ST6GALNAC3: variants seen among roughly 807,000 people sequenced by gnomAD.
ST6GALNAC3 encodes alpha-N-acetylgalactosaminide alpha-2,6-sialyltransferase 3.
A neutral mutation model predicts 32.7 loss-of-function variants in ST6GALNAC3; 25 were observed. That is an observed-to-expected ratio of 0.76 (90% CI 0.56 to 1.07). The LOEUF (loss-of-function observed/expected upper bound fraction) is 1.07, where lower values mean the gene tolerates loss of function less well. ST6GALNAC3 is among the 50% of genes least tolerant of loss of function. The pLI is 0.00. For missense variants in ST6GALNAC3, 355 were observed against 382.4 expected (o/e 0.93, Z 0.60); for synonymous variants, 129 against 133.1 (o/e 0.97, Z 0.21).
intron 3 of ST6GALNAC3, among the ~76,000 whole-genome samples, chr1:76,530,097 C>G (rs1446357245): frequency 6.6e-6 from 1 of 152,178 alleles, no homozygotes; most frequent in Non-Finnish European, 1.5e-5. Context: ...ATAATCCTAA[C>G]CTATGATTAT....
At chr1:76,121,098 C>A (rs999578066) in intron 1 of ST6GALNAC3, among the ~76,000 whole-genome samples, 1 of 152,182 alleles carries the variant, frequency 6.6e-6, no homozygotes, top group African/African-American at 2.4e-5. Flanking sequence ...ATGAGGTTCA[C>A]CTAGATATTC....
chr1:76,627,400 G>C (rs949583870), intron 3 of ST6GALNAC3, 52 bp from the exon 4 acceptor site: 12 of 1,156,880 alleles, frequency 1.0e-5, no homozygotes, highest in Non-Finnish European at 1.6e-5. Context: ...TGTTCTGTGT[G>C]TGTGTTCTGT....
intron 1 of ST6GALNAC3, among the ~76,000 whole-genome samples, chr1:76,098,297 A>G (rs773589010): frequency 6.6e-6 from 1 of 152,226 alleles, no homozygotes; most frequent in Non-Finnish European, 1.5e-5. Context: ...AGACTGCACG[A>G]TCACAATGCT....
At chr1:76,254,274 C>T (rs1195574538) in intron 1 of ST6GALNAC3, among the ~76,000 whole-genome samples, 1 of 152,036 alleles carries the variant, frequency 6.6e-6, no homozygotes, top group African/African-American at 2.4e-5. Context: ...GAGAAGGAAA[C>T]GAGTGTTAAG....
chr1:76,486,478 A>G (rs934992389), intron 3 of ST6GALNAC3, among the ~76,000 whole-genome samples: 1 of 152,174 alleles, frequency 6.6e-6, no homozygotes, highest in Admixed American at 6.5e-5. Flanking sequence ...CCATTATGTA[A>G]TGGCCTTCTT....
At chr1:76,106,454 C>T (rs1398195596) in intron 1 of ST6GALNAC3, among the ~76,000 whole-genome samples, 1 of 152,174 alleles carries the variant, frequency 6.6e-6, no homozygotes, top group Non-Finnish European at 1.5e-5. Context: ...GCTGCTGGGA[C>T]TTTGAGCTCG....
rs116174784 is a variant in ST6GALNAC3, at chr1:76,080,957, G to A, written c.18+6073G>A. Among the ~76,000 whole-genome samples, 229 of 152,264 alleles carry A rather than the reference G, an allele frequency of 1.5e-3. 2 individuals carry two copies. Among genetic ancestry groups the A allele is most frequent in the African/African-American group, 5.3e-3 (222 of 41,536 alleles). Reference sequence around the variant, plus strand: ...TGCTACGTATATCAGCACATTGTGGGGAATGAGTGGCTTGGGTAAAAGTAG... The same window carrying A: ...TGCTACGTATATCAGCACATTGTGGAGAATGAGTGGCTTGGGTAAAAGTAG... On this transcript the variant is annotated intron_variant, in intron 1 of 4. Coordinates refer to ENST00000328299, the MANE Select transcript of ST6GALNAC3 (RefSeq NM_152996.4).
intron 3 of ST6GALNAC3, among the ~76,000 whole-genome samples, chr1:76,496,101 C>G (rs911756096): frequency 7.9e-5 from 12 of 152,092 alleles, no homozygotes; most frequent in Admixed American, 3.9e-4. Context: ...AAGGATGAGG[C>G]CTACTTGGAG....
chr1:76,494,466 T>TACAC (rs1486372356), intron 3 of ST6GALNAC3, among the ~76,000 whole-genome samples: 990 of 50,716 alleles, frequency 0.02, 178 homozygotes, highest in East Asian at 0.15. Context: ...TATATATATA[T>TACAC]ATACACACAC....
At chr1:76,143,766 C>T (rs1650495697) in intron 1 of ST6GALNAC3, among the ~76,000 whole-genome samples, 1 of 152,100 alleles carries the variant, frequency 6.6e-6, no homozygotes, top group South Asian at 2.1e-4. Flanking sequence ...CAGGATAAGG[C>T]ATTTCTCATG....
intron 1 of ST6GALNAC3, among the ~76,000 whole-genome samples, chr1:76,120,117 G>C (rs1028130159): frequency 2.0e-5 from 3 of 152,232 alleles, no homozygotes; most frequent in Admixed American, 6.5e-5. Context: ...ACCTTCCAAA[G>C]TCACTGACCA....
chr1:76,256,673 C>G (rs759570362), intron 1 of ST6GALNAC3, among the ~76,000 whole-genome samples: 1 of 151,456 alleles, frequency 6.6e-6, no homozygotes. Context: ...CACGGGATGA[C>G]AGCAGATATC....
chr1:76,490,792 C>T (rs553332942), intron 3 of ST6GALNAC3, among the ~76,000 whole-genome samples: 6 of 152,114 alleles, frequency 3.9e-5, no homozygotes, highest in African/African-American at 7.2e-5. Context: ...ACCTACTCCC[C>T]GTCTTCCCAG....
chr1:76,088,735 A>G lies in ST6GALNAC3; in HGVS notation c.18+13851A>G, dbSNP rs140002920. On this transcript the variant is annotated intron_variant, in intron 1 of 4. Transcript: ENST00000328299. Reference sequence around the variant, plus strand: ...CAAAAAACTAAAAGGATCACAAAAAAAACTAAAGGGATCACAACTGTTTTG... The same window carrying G: ...CAAAAAACTAAAAGGATCACAAAAAGAACTAAAGGGATCACAACTGTTTTG... Among the ~76,000 whole-genome samples, 78 of 152,374 alleles carry G rather than the reference A, an allele frequency of 5.1e-4. 1 individual carries two copies. The highest frequency in any genetic ancestry group is 1.8e-3 in the African/African-American group (73 of 41,586).
intron 3 of ST6GALNAC3, among the ~76,000 whole-genome samples, chr1:76,545,716 G>A (rs1440952652): frequency 6.6e-6 from 1 of 151,160 alleles, no homozygotes; most frequent in Non-Finnish European, 1.5e-5. Flanking sequence ...GAGTGCAATG[G>A]CGCACTCTCA....
chr1:76,346,280 A>G (rs145194443), intron 2 of ST6GALNAC3, among the ~76,000 whole-genome samples: 1 of 152,252 alleles, frequency 6.6e-6, no homozygotes, highest in African/African-American at 2.4e-5. Flanking sequence ...AAATTTTCCA[A>G]GGTCACAGAC....
chr1:76,102,436 TAATTTGCTA>T (rs1209824295), intron 1 of ST6GALNAC3, among the ~76,000 whole-genome samples: 3 of 152,146 alleles, frequency 2.0e-5, no homozygotes, highest in African/African-American at 7.2e-5. Flanking sequence ...ATTATTTTAT[TAATTTGCTA>T]TCTTTCTTTT....
At chr1:76,122,800 A>G (rs934924820) in intron 1 of ST6GALNAC3, among the ~76,000 whole-genome samples, 4 of 152,156 alleles carry the variant, frequency 2.6e-5, no homozygotes, top group African/African-American at 9.7e-5. Flanking sequence ...AGGTAGCATC[A>G]TTTCCATCAG....
intron 3 of ST6GALNAC3, among the ~76,000 whole-genome samples, chr1:76,519,941 A>G (rs908066522): frequency 5.3e-5 from 8 of 151,710 alleles, no homozygotes; most frequent in Non-Finnish European, 8.8e-5. Context: ...ATTTTCATAT[A>G]TATTTATACA....
Sources: gnomAD v4.1 joint callset for allele counts (sites outside exome capture counted in the v4.1 genomes callset) on GRCh38, gnomAD v4.1.1 for gene constraint, MANE v1.5 for transcripts, NCBI Gene and HGNC (gene_info 2026-07-23, HGNC 2026-07-21) for gene names.